Variants in MYO3A observed in about 807,000 individuals in gnomAD.
MYO3A encodes myosin-IIIa.
MYO3A carries 180 observed loss-of-function variants against 192.7 expected under a neutral mutation model. That is an observed-to-expected ratio of 0.93 (90% CI 0.83 to 1.06). The LOEUF (loss-of-function observed/expected upper bound fraction) is 1.06, where lower values mean the gene tolerates loss of function less well. Ranked by LOEUF, MYO3A falls within the 50% of genes least tolerant of loss-of-function variation. The probability of loss-of-function intolerance (pLI) is 0.00; values close to 1 mark genes in which losing one functional copy is unlikely to be tolerated. For synonymous variants in MYO3A, 628 were observed against 645.3 expected, an observed-to-expected ratio of 0.97 and a Z score of 0.41; for missense variants, 1,896 against 1,905.0, an observed-to-expected ratio of 1.00 and a Z score of 0.09.
intron 25 of MYO3A, among the ~76,000 whole-genome samples, chr10:26,156,228 G>T (rs1248508490): frequency 6.6e-6 from 1 of 152,194 alleles, no homozygotes; most frequent in Non-Finnish European, 1.5e-5. Context: ...GTGCCCAAGA[G>T]GAAGCCATGC....
At chr10:26,083,556 T>G (rs1435647560) in intron 14 of MYO3A, among the ~76,000 whole-genome samples, 1 of 152,164 alleles carries the variant, frequency 6.6e-6, no homozygotes, top group Non-Finnish European at 1.5e-5. Flanking sequence ...GAGTGCGCAT[T>G]TTTTGCATTG....
chr10:26,124,670 C>T (rs1441882187), intron 18 of MYO3A, among the ~76,000 whole-genome samples: 1 of 152,042 alleles, frequency 6.6e-6, no homozygotes, highest in Non-Finnish European at 1.5e-5. Flanking sequence ...AAAAATTAGC[C>T]AATCTGTCAT....
chr10:26,051,999 T>C (rs942722068), intron 10 of MYO3A, among the ~76,000 whole-genome samples: 1 of 152,212 alleles, frequency 6.6e-6, no homozygotes, highest in African/African-American at 2.4e-5. Flanking sequence ...ACTCAAGAAC[T>C]GATTTTAAAT....
chr10:26,129,735 G>A (rs1373921209), intron 20 of MYO3A, among the ~76,000 whole-genome samples: 1 of 152,016 alleles, frequency 6.6e-6, no homozygotes, highest in Admixed American at 6.5e-5. Flanking sequence ...TTCTCACTAG[G>A]CATCTCCTTT....
At chr10:26,174,733 C>T (rs962585303) in intron 30 of MYO3A, among the ~76,000 whole-genome samples, 176 bp downstream of exon 30, 1 of 152,016 alleles carries the variant, frequency 6.6e-6, no homozygotes, top group African/African-American at 2.4e-5. Flanking sequence ...AACTTTTAAC[C>T]CAATTTACCG....
intron 20 of MYO3A, among the ~76,000 whole-genome samples, chr10:26,142,752 A>G (rs1840236563): frequency 1.3e-5 from 2 of 152,142 alleles, no homozygotes; most frequent in Non-Finnish European, 2.9e-5. Context: ...TAACTACGTA[A>G]ATGTCTGGAA....
chr10:26,008,958 G>A (rs1378040633), intron 6 of MYO3A, among the ~76,000 whole-genome samples: 1 of 151,782 alleles, frequency 6.6e-6, no homozygotes, highest in Non-Finnish European at 1.5e-5. Flanking sequence ...ATTCACAATA[G>A]CAAAGACTTG....
At position 26,064,020 on chromosome 10, in the gene MYO3A, T is replaced by C. The variant is rs117285334; in HGVS notation, c.954-2955T>C. On this transcript the variant is annotated intron_variant, in intron 10 of 34. Coordinates refer to ENST00000642920, the MANE Select transcript of MYO3A (RefSeq NM_017433.5). ...CAATACAGGTACTCTGTCTTACTAG[T>C]ACCATAAAATCTAGATTGGCATTAT... is the stretch of plus-strand genomic sequence containing the variant. Among the ~76,000 whole-genome samples, 367 of 152,274 alleles carry C rather than the reference T, an allele frequency of 2.4e-3. 2 individuals carry two copies. The highest frequency in any genetic ancestry group is 9.5e-3 in the East Asian group (49 of 5,178).
chr10:26,116,009 T>C (rs1838480780), intron 17 of MYO3A, among the ~76,000 whole-genome samples: 2 of 152,222 alleles, frequency 1.3e-5, no homozygotes, highest in Non-Finnish European at 2.9e-5. Context: ...TGATCTTTAC[T>C]GTGTCTCACA....
chr10:26,035,076 A>T (rs181644956), intron 10 of MYO3A, among the ~76,000 whole-genome samples: 39 of 152,332 alleles, frequency 2.6e-4, no homozygotes, highest in African/African-American at 9.1e-4. Context: ...GTAAAGGAAT[A>T]TACTGGTAGC....
intron 17 of MYO3A, among the ~76,000 whole-genome samples, chr10:26,118,702 G>A (rs928412534): frequency 8.6e-5 from 13 of 151,726 alleles, no homozygotes; most frequent in African/African-American, 3.2e-4. Flanking sequence ...CACGATCTCG[G>A]CTCACTGAAG....
At chr10:25,998,753 T>C (rs950164592) in intron 6 of MYO3A, among the ~76,000 whole-genome samples, 2 of 152,122 alleles carry the variant, frequency 1.3e-5, no homozygotes, top group South Asian at 2.1e-4. Flanking sequence ...CAAGTATCAA[T>C]AAACAACTTT....
At chr10:25,998,776 GA>G (rs1840608040) in intron 6 of MYO3A, among the ~76,000 whole-genome samples, 2 of 152,054 alleles carry the variant, frequency 1.3e-5, no homozygotes, top group Admixed American at 6.5e-5. Context: ...AGCTATTAAA[GA>G]AAAATTTGGT....
chr10:25,985,237 C>CAAAAA (rs1157598256), intron 4 of MYO3A, among the ~76,000 whole-genome samples: 12 of 79,824 alleles, frequency 1.5e-4, no homozygotes, highest in African/African-American at 4.8e-4. Flanking sequence ...GACTCTGTCT[C>CAAAAA]AAAAAAAAAA....
Position 26,179,113 on chromosome 10 carries a change from T to TTTTTTTTTTTTG in MYO3A, c.4438+2270_4438+2271insTTTTTTTTTGTT, listed in dbSNP as rs1386278741. ...AATTTTTTTTTTTTTTTTTTTTTTT[T>TTTTTTTTTTTTG]TTGAGACGGAGTTTCACTCTTGTTG... On this transcript the variant is annotated intron_variant, in intron 31 of 34. Coordinates refer to ENST00000642920, the MANE Select transcript of MYO3A (RefSeq NM_017433.5). 1.5e-4 allele frequency among the ~76,000 whole-genome samples: 21 copies of TTTTTTTTTTTTG among 141,932 alleles called. 2 individuals are homozygous for TTTTTTTTTTTTG. The highest frequency in any genetic ancestry group is 5.4e-4 in the African/African-American group (20 of 37,108). 93.1% of individuals were successfully genotyped at this position (141,932 alleles called of 152,430 possible). A position where few individuals can be genotyped will look rare whatever the true frequency, so the allele number is the denominator to read the frequency against.
intron 17 of MYO3A, among the ~76,000 whole-genome samples, chr10:26,114,481 GA>G (rs1266811430): frequency 6.6e-6 from 1 of 151,440 alleles, no homozygotes; most frequent in African/African-American, 2.4e-5. Context: ...TTGGCTTTTG[GA>G]AAAAAAACAA....
intron 32 of MYO3A, among the ~76,000 whole-genome samples, chr10:26,194,230 A>G (rs2132158452): frequency 6.6e-6 from 1 of 152,282 alleles, no homozygotes; most frequent in South Asian, 2.1e-4. Context: ...AAATGTCTCT[A>G]AACCATACCT....
At chr10:26,098,987 A>T (rs1290364271) in intron 17 of MYO3A, among the ~76,000 whole-genome samples, 1 of 152,154 alleles carries the variant, frequency 6.6e-6, no homozygotes, top group African/African-American at 2.4e-5. Flanking sequence ...CAATGAATCT[A>T]CAAATTACCT....
intron 4 of MYO3A, among the ~76,000 whole-genome samples, chr10:25,965,816 G>C (rs983773209): frequency 6.6e-6 from 1 of 151,914 alleles, no homozygotes. Flanking sequence ...TTTCCTTTCT[G>C]CTCTAACAGG....
Sources: allele counts gnomAD v4.1 joint callset (sites outside exome capture counted in the v4.1 genomes callset), GRCh38; gene constraint gnomAD v4.1.1; transcripts MANE v1.5; gene names NCBI Gene and HGNC (gene_info 2026-07-23, HGNC 2026-07-21).